ADAMTS17: variants seen among roughly 807,000 people sequenced by gnomAD.
ADAMTS17 encodes ADAM metallopeptidase with thrombospondin type 1 motif 17, also known as A disintegrin and metalloproteinase with thrombospondin motifs 17.
In ADAMTS17, 113 loss-of-function variants were observed where a neutral mutation model predicts 141.5. That is an observed-to-expected ratio of 0.80 (90% CI 0.69 to 0.93). The LOEUF is 0.93. ADAMTS17 is among the 40% of genes least tolerant of loss of function. The pLI is 0.00. For missense variants in ADAMTS17, 1,659 were observed against 1,517.9 expected, an observed-to-expected ratio of 1.09 and a Z score of -1.54; for synonymous variants, 768 against 630.6, an observed-to-expected ratio of 1.22 and a Z score of -3.27.
intron 15 of ADAMTS17, among the ~76,000 whole-genome samples, chr15:100,094,779 G>A (rs1444775787): frequency 1.3e-5 from 2 of 152,198 alleles, no homozygotes; most frequent in Admixed American, 6.5e-5. Context: ...CAGGAGTTTT[G>A]CTCCTAAATG....
At chr15:100,094,474 G>C (rs2035644713) in intron 15 of ADAMTS17, among the ~76,000 whole-genome samples, 2 of 152,232 alleles carry the variant, frequency 1.3e-5, no homozygotes, top group African/African-American at 2.4e-5. Context: ...ATACAGATCA[G>C]AGTCTGGGTA....
At chr15:100,157,204 G>A (rs1025146753) in intron 8 of ADAMTS17, among the ~76,000 whole-genome samples, 22 of 151,976 alleles carry the variant, frequency 1.4e-4, no homozygotes, top group East Asian at 1.9e-4. Flanking sequence ...TCCCTCCCTC[G>A]ACACATTGGA....
At chr15:100,214,544 G>A (rs948787097) in intron 7 of ADAMTS17, among the ~76,000 whole-genome samples, 2 of 152,024 alleles carry the variant, frequency 1.3e-5, no homozygotes, top group Non-Finnish European at 2.9e-5. Context: ...ACTTGAAAAG[G>A]CAAAATAAAT....
At chr15:100,246,630 G>A (rs1291517523) in intron 7 of ADAMTS17, among the ~76,000 whole-genome samples, 1 of 152,166 alleles carries the variant, frequency 6.6e-6, no homozygotes, top group Non-Finnish European at 1.5e-5. Context: ...AGTGAGATGG[G>A]TCCTAGGTAA....
Position 100,048,980 on chromosome 15 carries a change from G to C in ADAMTS17, c.2468C>G (p.Thr823Ser), listed in dbSNP as rs1018103186. 1.5e-5 allele frequency: 24 copies of C among 1,614,192 alleles called. No individual in the cohort carries two copies. The highest frequency in any genetic ancestry group is 2.0e-5 in the Non-Finnish European group (24 of 1,180,038). Residue 823 changes from threonine to serine, a missense_variant, in exon 18 of 22, where the codon ACC becomes AGC. Transcript: ENST00000268070. Reference sequence around the variant, plus strand: ...GACAATCCGTGTACACGAGACGATGGTTCTGCGCTCCCCTGGAAACCAAAC... The same window carrying C: ...GACAATCCGTGTACACGAGACGATGCTTCTGCGCTCCCCTGGAAACCAAAC... The part of the protein sequence containing the change: ...SVQCGGGERR[T>S]IVSCTRIVNK...
At chr15:100,048,691 A>G (rs781434694) in intron 18 of ADAMTS17, among the ~76,000 whole-genome samples, 166 bp downstream of exon 18, 9 of 141,718 alleles carry the variant, frequency 6.4e-5, no homozygotes, top group Admixed American at 4.7e-4. Flanking sequence ...GTCCTGGCTT[A>G]GTAGCTGGAA....
intron 8 of ADAMTS17, among the ~76,000 whole-genome samples, chr15:100,159,792 G>T (rs181291213): frequency 6.6e-6 from 1 of 152,288 alleles, no homozygotes; most frequent in Non-Finnish European, 1.5e-5. Context: ...GTCTCTACTT[G>T]GAACATGATC....
At chr15:100,117,676 C>G (rs62038584) in intron 12 of ADAMTS17, among the ~76,000 whole-genome samples, 23,557 of 152,042 alleles carry the variant, frequency 0.15, 2,013 homozygotes, top group Admixed American at 0.21. Context: ...TGGCCAAGTC[C>G]ACATGTGTGA....
intron 8 of ADAMTS17, among the ~76,000 whole-genome samples, chr15:100,164,613 C>T (rs1228993066): frequency 2.0e-5 from 3 of 152,180 alleles, no homozygotes; most frequent in Non-Finnish European, 4.4e-5. Flanking sequence ...CAAGTTGCAG[C>T]CCCTCGAGCT....
At chr15:100,159,989 G>T (rs1230440898) in intron 8 of ADAMTS17, among the ~76,000 whole-genome samples, 1 of 152,182 alleles carries the variant, frequency 6.6e-6, no homozygotes, top group African/African-American at 2.4e-5. Flanking sequence ...CTTACACAGA[G>T]GTTGCACTTG....
chr15:100,002,977 G>A (rs1259811832), intron 18 of ADAMTS17, among the ~76,000 whole-genome samples: 3 of 152,052 alleles, frequency 2.0e-5, no homozygotes, highest in African/African-American at 7.3e-5. Flanking sequence ...TCCTCAGCCA[G>A]GGATGCTCTG....
chr15:100,080,134 G>C (rs2034635186), intron 15 of ADAMTS17, among the ~76,000 whole-genome samples: 1 of 152,068 alleles, frequency 6.6e-6, no homozygotes, highest in Non-Finnish European at 1.5e-5. Context: ...CACCCCTAGT[G>C]ATCCCCTAGC....
At chr15:100,135,960 C>T (rs577753410) in intron 10 of ADAMTS17, among the ~76,000 whole-genome samples, 5 of 152,260 alleles carry the variant, frequency 3.3e-5, no homozygotes, top group South Asian at 2.1e-4. Context: ...CACAATGGGT[C>T]CTTTTGGATG....
intron 4 of ADAMTS17, among the ~76,000 whole-genome samples, chr15:100,265,744 T>A (rs899959904): frequency 1.3e-5 from 2 of 152,200 alleles, no homozygotes; most frequent in Non-Finnish European, 2.9e-5. Context: ...TCAGGTTGCA[T>A]ACACTGCTAT....
At position 100,048,917 on chromosome 15, in the gene ADAMTS17, G is replaced by T; in HGVS notation, c.2531C>A (p.Pro844His). Residue 844 changes from proline (P) to histidine (H), a missense_variant, in exon 18 of 22, where the codon CCT becomes CAT. By Grantham distance (77) the Pro-to-His change is moderately conservative. Coordinates refer to ENST00000268070, the MANE Select transcript of ADAMTS17 (RefSeq NM_139057.4). ...TTTLVNDSDCPQASRPEPQVR... is the reference protein window; with the variant it reads ...TTTLVNDSDCHQASRPEPQVR... ...CTGGGGCTCTGGGCGGCTTGCTTGAGGGCAGTCACTGTCGTTCACCAGAGT... is the reference window on the plus strand; with the variant it reads ...CTGGGGCTCTGGGCGGCTTGCTTGATGGCAGTCACTGTCGTTCACCAGAGT... 1 of 1,614,168 alleles carries T rather than the reference G, an allele frequency of 6.2e-7. No homozygotes were observed. Among genetic ancestry groups the T allele is most frequent in the Non-Finnish European group, 8.5e-7 (1 of 1,180,026 alleles).
At chr15:100,277,504 C>G (rs1460831201) in intron 4 of ADAMTS17, among the ~76,000 whole-genome samples, 1 of 152,128 alleles carries the variant, frequency 6.6e-6, no homozygotes, top group Non-Finnish European at 1.5e-5. Flanking sequence ...AATGTTTATT[C>G]CTTGCACTTG....
chr15:100,328,048 G>T (rs1347637294), intron 3 of ADAMTS17, among the ~76,000 whole-genome samples: 1 of 152,118 alleles, frequency 6.6e-6, no homozygotes, highest in Non-Finnish European at 1.5e-5. Context: ...AGCCGGCAAG[G>T]CTACTCTCAG....
chr15:100,155,780 C>A (rs145502098), intron 8 of ADAMTS17, among the ~76,000 whole-genome samples: 7 of 152,322 alleles, frequency 4.6e-5, no homozygotes, highest in Non-Finnish European at 1.0e-4. Flanking sequence ...TCTAAGCCTT[C>A]CAACTCATTA....
At chr15:100,282,216 GTC>G (rs959734683) in intron 3 of ADAMTS17, among the ~76,000 whole-genome samples, 50 of 152,230 alleles carry the variant, frequency 3.3e-4, no homozygotes, top group African/African-American at 1.2e-3. Flanking sequence ...TAAACAGGAA[GTC>G]TCTCTCATTT....
Sources: allele counts gnomAD v4.1 joint callset (sites outside exome capture counted in the v4.1 genomes callset), GRCh38; gene constraint gnomAD v4.1.1; transcripts MANE v1.5; gene names NCBI Gene and HGNC (gene_info 2026-07-23, HGNC 2026-07-21).